Variants in DPP6 observed in about 807,000 individuals in gnomAD.
DPP6 encodes the protein dipeptidyl peptidase like 6.
DPP6 carries 69 observed loss-of-function variants against 122.6 expected under a neutral mutation model. The observed-to-expected ratio is 0.56, with a 90% CI of 0.46 to 0.69. DPP6 has a LOEUF of 0.69. Ranked by LOEUF, DPP6 falls within the 30% of genes least tolerant of loss-of-function variation. The pLI is 0.00. For synonymous variants in DPP6, 418 were observed against 433.1 expected (o/e 0.97, Z 0.43); for missense variants, 928 against 1,116.9 (o/e 0.83, Z 2.41).
At chr7:154,372,221 G>A (rs1481247650) in intron 1 of DPP6, among the ~76,000 whole-genome samples, 1 of 152,184 alleles carries the variant, frequency 6.6e-6, no homozygotes, top group Non-Finnish European at 1.5e-5. Context: ...TTGAAGGCTG[G>A]TGCTCGCTAA....
chr7:154,410,768 T>C (rs1816528741), intron 1 of DPP6, among the ~76,000 whole-genome samples: 1 of 152,242 alleles, frequency 6.6e-6, no homozygotes, highest in African/African-American at 2.4e-5. Flanking sequence ...TTTTGTTTCT[T>C]CCCTTTTAAA....
At chr7:154,295,505 A>G (rs537901615) in intron 1 of DPP6, among the ~76,000 whole-genome samples, 42 of 152,234 alleles carry the variant, frequency 2.8e-4, no homozygotes, top group African/African-American at 9.9e-4. Flanking sequence ...CCCTCAGTAC[A>G]TTTTATTTTG....
At chr7:154,051,850 G>C (rs1311987595), upstream of DPP6, among the ~76,000 whole-genome samples, 2 of 150,472 alleles carry the variant, frequency 1.3e-5, no homozygotes, top group South Asian at 2.1e-4. Context: ...GGCTGTGGAG[G>C]GAGGGCGGCC....
intron 12 of DPP6, among the ~76,000 whole-genome samples, chr7:154,799,489 C>A (rs1005555890): frequency 5.3e-5 from 8 of 152,208 alleles, no homozygotes; most frequent in Non-Finnish European, 1.0e-4. Flanking sequence ...ACCCCAGAGC[C>A]TATTGTTTTG....
chr7:153,870,960 C>T, the DPP6 span, among the ~76,000 whole-genome samples: 7 of 152,322 alleles, frequency 4.6e-5, no homozygotes, highest in African/African-American at 1.4e-4. Context: ...GGCTGCAGAA[C>T]AGCAGATATT....
intron 1 of DPP6, among the ~76,000 whole-genome samples, chr7:154,029,533 A>G (rs1799120976): frequency 6.8e-6 from 1 of 147,296 alleles, no homozygotes; most frequent in Non-Finnish European, 1.5e-5. Context: ...AAAAAGAAAG[A>G]AATTGCCTTA....
At chr7:154,380,859 C>T (rs940070424) in intron 1 of DPP6, among the ~76,000 whole-genome samples, 6 of 152,156 alleles carry the variant, frequency 3.9e-5, no homozygotes, top group African/African-American at 1.4e-4. Flanking sequence ...GCACAACTTG[C>T]CTGTGTTTGC....
intron 3 of DPP6, among the ~76,000 whole-genome samples, chr7:154,482,013 C>T (rs1210739495): frequency 6.6e-6 from 1 of 152,172 alleles, no homozygotes; most frequent in Non-Finnish European, 1.5e-5. Flanking sequence ...CTTAAACAGC[C>T]TAGTTTTAAA....
intron 1 of DPP6, among the ~76,000 whole-genome samples, chr7:154,156,980 G>A (rs1796715776): frequency 1.3e-5 from 2 of 152,256 alleles, no homozygotes; most frequent in Admixed American, 1.3e-4. Flanking sequence ...TTCCCTGGTG[G>A]GGAAGAACAG....
the DPP6 span, among the ~76,000 whole-genome samples, chr7:153,835,215 T>G: frequency 6.6e-6 from 1 of 152,222 alleles, no homozygotes; most frequent in Non-Finnish European, 1.5e-5. Flanking sequence ...ACAAGTAATT[T>G]AGTGACAGAT....
intron 1 of DPP6, among the ~76,000 whole-genome samples, chr7:153,947,017 A>G (rs1209379284): frequency 6.6e-6 from 1 of 152,062 alleles, no homozygotes; most frequent in Non-Finnish European, 1.5e-5. Flanking sequence ...TGACGGTGTG[A>G]TATTCCTGAG....
chr7:154,063,612 C>A (rs1439020971), intron 1 of DPP6, among the ~76,000 whole-genome samples: 2 of 126,498 alleles, frequency 1.6e-5, no homozygotes, highest in African/African-American at 3.0e-5. Flanking sequence ...GAGGGAGGCA[C>A]CCCCCACGAG....
intron 1 of DPP6, among the ~76,000 whole-genome samples, chr7:154,061,617 A>AGCGGGGGGGGAGGCACCCGCCGCGAGGC (rs1394853721): frequency 7.6e-6 from 1 of 131,592 alleles, no homozygotes; most frequent in African/African-American, 2.9e-5. Flanking sequence ...CTCCCATCAC[A>AGCGGGGGGGGAGGCACCCGCCGCGAGGC]GGGGGGGGAG....
chr7:154,818,369 G>A (rs868533956), intron 16 of DPP6, among the ~76,000 whole-genome samples: 3 of 152,172 alleles, frequency 2.0e-5, no homozygotes, highest in Non-Finnish European at 4.4e-5. Flanking sequence ...GGGTGATACT[G>A]ATTCACACCC....
intron 6 of DPP6, among the ~76,000 whole-genome samples, chr7:154,663,148 T>A (rs1837869800): frequency 1.3e-5 from 1 of 74,636 alleles, no homozygotes; most frequent in Non-Finnish European, 3.4e-5. Flanking sequence ...CACGCAGTCA[T>A]GGTGAATCAC....
chr7:153,823,623 T>C, the DPP6 span, among the ~76,000 whole-genome samples: 1 of 146,294 alleles, frequency 6.8e-6, no homozygotes, highest in Admixed American at 6.8e-5. Context: ...AAGGGAATCA[T>C]GACGGATATA....
chr7:153,827,427 G>C, the DPP6 span, among the ~76,000 whole-genome samples: 5 of 152,116 alleles, frequency 3.3e-5, no homozygotes, highest in African/African-American at 1.2e-4. Context: ...ACAAATGTAA[G>C]ATGACTCTGA....
intron 1 of DPP6, among the ~76,000 whole-genome samples, chr7:154,074,075 A>C (rs1300946742): frequency 6.6e-6 from 1 of 152,054 alleles, no homozygotes; most frequent in African/African-American, 2.4e-5. Flanking sequence ...ATATACATAT[A>C]GAGAGAGATA....
intron 1 of DPP6, among the ~76,000 whole-genome samples, chr7:154,096,826 C>T (rs993147401): frequency 2.1e-4 from 32 of 152,060 alleles, no homozygotes; most frequent in African/African-American, 7.5e-4. Flanking sequence ...TATATTATTC[C>T]AGATGTTTCA....
Sources: gnomAD v4.1 joint callset for allele counts (sites outside exome capture counted in the v4.1 genomes callset) on GRCh38, gnomAD v4.1.1 for gene constraint, MANE v1.5 for transcripts, NCBI Gene and HGNC (gene_info 2026-07-23, HGNC 2026-07-21) for gene names.